TRIM68: variants seen among roughly 807,000 people sequenced by gnomAD.
The protein encoded by TRIM68 is tripartite motif containing 68.
Under a neutral mutation model 41.9 loss-of-function variants are expected in TRIM68, and 36 were observed. The observed-to-expected ratio is 0.86, with a 90% CI of 0.66 to 1.14. TRIM68 has a LOEUF of 1.14. Among genes scored for constraint, TRIM68 ranks in the 50% most tolerant of loss-of-function variants. The pLI is 0.00. For missense variants in TRIM68, 632 were observed against 605.1 expected, an observed-to-expected ratio of 1.04 and a Z score of -0.47; for synonymous variants, 225 against 224.6, an observed-to-expected ratio of 1.00 and a Z score of -0.02.
chr11:4,605,392 C>A lies in TRIM68; in HGVS notation c.113G>T (p.Ser38Ile), dbSNP rs372767011. The A allele has an allele frequency of 1.2e-6, 2 of 1,614,120 alleles. No homozygotes were observed. The highest frequency in any genetic ancestry group is 1.7e-5 in the Admixed American group (1 of 60,012). The stretch of plus-strand genomic sequence containing the variant: ...GATCTCCCAGAGTCCAGAGAGACAG[C>A]TGTGGCAGAAGCTGTGGCCACAGTC... ...SIDCGHSFCH[S>I]CLSGLWEIPG... The change falls in exon 2 of 7, where the codon AGC (serine) becomes ATC (isoleucine). Residue 38 changes from serine (S) to isoleucine (I), a missense_variant. By Grantham distance (142) the Ser-to-Ile change is moderately radical (BLOSUM62 -2). Transcript: ENST00000300747.
chr11:4,602,155 C>T lies in TRIM68; in HGVS notation c.780G>A (p.Leu260=). 1 of 1,614,192 alleles carries T rather than the reference C, an allele frequency of 6.2e-7. No homozygotes were observed. The highest frequency in any genetic ancestry group is 8.5e-7 in the Non-Finnish European group (1 of 1,180,042). ...ERSQRPVRWM[L]QDIQEVLNRS... ...ACCAGGAAAACCTACTACTCACCTGCAACATCCAGCGGACAGGCCTCTGCG... is the reference window on the plus strand; with the variant it reads ...ACCAGGAAAACCTACTACTCACCTGTAACATCCAGCGGACAGGCCTCTGCG... The change falls in exon 4 of 7, where the codon TTG becomes TTA. Residue 260 remains leucine, a synonymous_variant. Coordinates refer to ENST00000300747, the MANE Select transcript of TRIM68 (RefSeq NM_018073.8).
Position 4,600,318 on chromosome 11 carries a change from G to A in TRIM68, c.1416C>T (p.Asn472=). The A allele has an allele frequency of 6.2e-7, 1 of 1,606,966 alleles. No individual in the cohort carries two copies. The highest frequency in any genetic ancestry group is 8.5e-7 in the Non-Finnish European group (1 of 1,176,356). ...GGGAGCAGATGGCCAGAGGAGCAGT[G>A]TTGTTGGTTCCAATGCTGTAGCAAG... The part of the protein sequence containing the change: ...FSPCYSIGTN[N]TAPLAICSLD... The change falls in exon 7 of 7, where the codon AAC becomes AAT. Residue 472 remains asparagine (N), a synonymous_variant. Transcript: ENST00000300747.
At chr11:4,606,550 TTCCTAAACCCAAAATCC>T (rs1272592624) in intron 1 of TRIM68, among the ~76,000 whole-genome samples, 1 of 152,240 alleles carries the variant, frequency 6.6e-6, no homozygotes, top group Non-Finnish European at 1.5e-5. Context: ...TAGGAAATAG[TTCCTAAACCCAAAATCC>T]TTTTAGCATT....
At position 4,603,210 on chromosome 11, in the gene TRIM68, C is replaced by A. The variant is rs181008642; in HGVS notation, c.522+35G>T. On this transcript the variant is annotated intron_variant, in intron 3 of 6. Transcript: ENST00000300747. ...CCAGCTCCAGGACCACACAGGACGA[C>A]TGACACAAACTCCTTTCCCCACGAG... 7.1e-5 allele frequency: 114 copies of A among 1,602,018 alleles called. No individual in the cohort carries two copies. The African/African-American group carries it at 1.3e-3, about 18-fold the overall frequency.
At chr11:4,601,364 T>G in intron 5 of TRIM68, 1 of 595,292 alleles carries the variant, frequency 1.7e-6, no homozygotes. Flanking sequence ...GAGGAAGAAG[T>G]GCACACATTT....
chr11:4,601,662 A>T lies in TRIM68; in HGVS notation c.806+2T>A, dbSNP rs1482637585. 6.2e-7 allele frequency: 1 copy of T among 1,613,876 alleles called. No homozygotes were observed. The highest frequency in any genetic ancestry group is 1.3e-5 in the African/African-American group (1 of 74,874). ...TTAGAGGCTCCAAGGGTGAGAACAT[A>T]CCTGTTTAACACTTCCTGAATATCC... is the stretch of plus-strand genomic sequence containing the variant. On this transcript the variant is annotated splice_donor_variant, in intron 5 of 6. Transcript: ENST00000300747. LOFTEE classifies it high-confidence loss of function.
intron 2 of TRIM68, among the ~76,000 whole-genome samples, chr11:4,604,865 T>C (rs753558478): frequency 6.6e-6 from 1 of 152,170 alleles, no homozygotes; most frequent in Non-Finnish European, 1.5e-5. Context: ...CCTGTTAGGA[T>C]GTAGGTGTAG....
chr11:4,601,211 GC>G, intron 5 of TRIM68, 84 bp from the exon 6 acceptor site: 1 of 1,052,974 alleles, frequency 9.5e-7, no homozygotes, highest in Non-Finnish European at 1.5e-6. Context: ...GAGGGGCTTG[GC>G]CAGGGACATA....
At chr11:4,603,175 C>T in intron 3 of TRIM68, 70 bp downstream of exon 3, 2 of 1,407,146 alleles carry the variant, frequency 1.4e-6, no homozygotes, top group East Asian at 4.6e-5. Flanking sequence ...GATGAGAATG[C>T]TACCCTAGGC....
At position 4,602,291 on chromosome 11, in the gene TRIM68, C is replaced by T. The variant is rs1846503860; in HGVS notation, c.644G>A (p.Ser215Asn). 2 of 1,614,142 alleles carry T rather than the reference C, an allele frequency of 1.2e-6. No homozygotes were observed. Among genetic ancestry groups the T allele is most frequent in the Non-Finnish European group, 1.7e-6 (2 of 1,180,016 alleles). Reference protein sequence around the residue: ...LGAEVAAALASLQREAAETMQ... With the variant: ...LGAEVAAALANLQREAAETMQ... ...GGTCTCCGCTGCCTCCCGCTGTAGG[C>T]TGGCCAGAGCTGCTGCTACCTCTGC... The change falls in exon 4 of 7, where the codon AGC becomes AAC. Residue 215 changes from serine (S) to asparagine (N), a missense_variant. Coordinates refer to ENST00000300747, the MANE Select transcript of TRIM68 (RefSeq NM_018073.8).
Position 4,600,164 on chromosome 11 carries a change from T to TG in TRIM68, c.*111dup. ...CCAAAGGATCAGACAGAGGAATCCT[T>TG]GGATACTGGGCTCAGCTCAGTTTCA... On this transcript the variant is annotated 3_prime_UTR_variant, in exon 7 of 7. Coordinates refer to ENST00000300747, the MANE Select transcript of TRIM68 (RefSeq NM_018073.8). 6.4e-6 allele frequency: 7 copies of TG among 1,101,270 alleles called. No homozygotes were observed. The highest frequency in any genetic ancestry group is 9.0e-6 in the Non-Finnish European group (7 of 780,472). The allele number at this position is 1,101,270 out of a possible 1,614,324, so 68.2% of individuals were successfully genotyped here. A position where few individuals can be genotyped will look rare whatever the true frequency, so the allele number is the denominator to read the frequency against.
Position 4,601,663 on chromosome 11 carries a change from C to T in TRIM68, c.806+1G>A, listed in dbSNP as rs1182006399. On this transcript the variant is annotated splice_donor_variant, in intron 5 of 6. Transcript: ENST00000300747. LOFTEE classifies it high-confidence loss of function. ...TAGAGGCTCCAAGGGTGAGAACATA[C>T]CTGTTTAACACTTCCTGAATATCCT... The T allele has an allele frequency of 6.2e-7, 1 of 1,614,002 alleles. No individual in the cohort carries two copies. Among genetic ancestry groups the T allele is most frequent in the South Asian group, 1.1e-5 (1 of 91,078 alleles).
Position 4,598,896 on chromosome 11 carries a change from T to C in TRIM68, c.*1380A>G, listed in dbSNP as rs1365193040. The stretch of plus-strand genomic sequence containing the variant: ...TCATGGCACAGTGGGAAAGTCACCA[T>C]GTGCAAAATCCACGGCTTGCCTGCC... On this transcript the variant is annotated 3_prime_UTR_variant, in exon 7 of 7. Transcript: ENST00000300747. The C allele has an allele frequency of 1.3e-5, 2 of 152,226 alleles. No homozygotes were observed. The highest frequency in any genetic ancestry group is 1.9e-4 in the East Asian group (1 of 5,200). The allele number at this position is 152,226 out of a possible 1,614,324, so 9.4% of individuals were successfully genotyped here. A position where few individuals can be genotyped will look rare whatever the true frequency, so the allele number is the denominator to read the frequency against.
At position 4,603,284 on chromosome 11, in the gene TRIM68, C is replaced by T. The variant is rs1222318527; in HGVS notation, c.483G>A (p.Lys161=). The change falls in exon 3 of 7, where the codon AAG becomes AAA. Residue 161 remains lysine (K), a synonymous_variant. Transcript: ENST00000300747. ...TTCGTTTCCTTTCACCAACTTCAAG[C>T]TTCCAGGCCTCTTCTTGCTCTTTCT... is the stretch of plus-strand genomic sequence containing the variant. ...HLKKEQEEAW[K]LEVGERKRTA... 6.2e-7 allele frequency: 1 copy of T among 1,614,132 alleles called. No homozygotes were observed. Among genetic ancestry groups the T allele is most frequent in the East Asian group, 2.2e-5 (1 of 44,900 alleles).
chr11:4,603,800 C>T (rs1846528794), intron 2 of TRIM68, among the ~76,000 whole-genome samples: 1 of 152,132 alleles, frequency 6.6e-6, no homozygotes, highest in Non-Finnish European at 1.5e-5. Flanking sequence ...ATGGATCTCC[C>T]AGGTGGTTCA....
At position 4,600,681 on chromosome 11, in the gene TRIM68, CT is replaced by C; in HGVS notation, c.1052del (p.Gln351ArgfsTer29). Reference protein sequence around the residue: ...FYRYNIVLGSQCISSGRHYWE... With the variant: ...FYRYNIVLGSXCISSGRHYWE... ...AGTAGTGCCGGCCTGAGGAGATGCACTGGCTTCCCAGGACGATATTATAGCG... is the reference window on the plus strand; with the variant it reads ...AGTAGTGCCGGCCTGAGGAGATGCACGGCTTCCCAGGACGATATTATAGCG... On this transcript the variant is annotated frameshift_variant, in exon 7 of 7. Transcript: ENST00000300747. LOFTEE classifies it low-confidence loss of function (END_TRUNC). 6.2e-7 allele frequency: 1 copy of C among 1,614,188 alleles called. No individual in the cohort carries two copies. The highest frequency in any genetic ancestry group is 8.5e-7 in the Non-Finnish European group (1 of 1,180,030).
At chr11:4,601,587 C>A (rs988640535) in intron 5 of TRIM68, 77 bp downstream of exon 5, 2 of 1,513,600 alleles carry the variant, frequency 1.3e-6, no homozygotes, top group Non-Finnish European at 1.8e-6. Context: ...GTCTGTGCTC[C>A]GTCCCTACTT....
In TRIM68 at chr11:4,600,484, G is replaced by A. The variant is rs759295758; in HGVS notation, c.1250C>T (p.Pro417Leu). The A allele has an allele frequency of 9.9e-6, 16 of 1,613,338 alleles. No homozygotes were observed. Among genetic ancestry groups the A allele is most frequent in the Admixed American group, 3.3e-5 (2 of 59,958 alleles). The change falls in exon 7 of 7, where the codon CCG becomes CTG. Residue 417 changes from proline to leucine, a missense_variant. Physicochemically the swap from Pro to Leu is moderately conservative, Grantham distance 98. Coordinates refer to ENST00000300747, the MANE Select transcript of TRIM68 (RefSeq NM_018073.8). ...GTDEYPILSL[P>L]VPPRRVGIFV... is the part of the protein sequence containing the mutation. ...GATTCCCACCCGGCGAGGAGGGACC[G>A]GCAAGGACAGGATTGGGTACTCATC...
intron 6 of TRIM68, 35 bp from the exon 7 acceptor site, chr11:4,600,861 T>G (rs540797124): frequency 6.3e-7 from 1 of 1,597,976 alleles, no homozygotes; most frequent in Non-Finnish European, 8.5e-7. Flanking sequence ...AACAGTGATA[T>G]AGGGCCAGGG....
Sources: gnomAD v4.1 joint callset for allele counts (sites outside exome capture counted in the v4.1 genomes callset) on GRCh38, gnomAD v4.1.1 for gene constraint, MANE v1.5 for transcripts, NCBI Gene and HGNC (gene_info 2026-07-23, HGNC 2026-07-21) for gene names.